The following KCNH1 variants were observed in gnomAD, a reference collection of about 807,000 sequenced individuals.
The protein encoded by KCNH1 is potassium voltage-gated channel subfamily H member 1.
A neutral mutation model predicts 69.2 loss-of-function variants in KCNH1; 27 were observed. The observed-to-expected ratio is 0.39, with a 90% CI of 0.29 to 0.54. The LOEUF is 0.54. Among genes scored for constraint, KCNH1 ranks in the 20% least tolerant of loss-of-function variants. The pLI is 0.68. For synonymous variants in KCNH1, 456 were observed against 487.7 expected, an observed-to-expected ratio of 0.93 and a Z score of 0.86; for missense variants, 798 against 1,261.6, an observed-to-expected ratio of 0.63 and a Z score of 5.57.
intron 7 of KCNH1, among the ~76,000 whole-genome samples, chr1:210,895,778 G>A (rs889833987): frequency 1.1e-4 from 17 of 152,018 alleles, no homozygotes; most frequent in African/African-American, 3.1e-4. Context: ...ACTCTTGGAC[G>A]TGGCTACCAA....
At chr1:211,027,251 G>A (rs1689700188) in intron 5 of KCNH1, among the ~76,000 whole-genome samples, 1 of 152,012 alleles carries the variant, frequency 6.6e-6, no homozygotes, top group African/African-American at 2.4e-5. Flanking sequence ...GGAACCAAAT[G>A]GAAGTTTTAG....
chr1:210,861,426 A>C (rs1574302188), intron 7 of KCNH1: 3 of 776,560 alleles, frequency 3.9e-6, no homozygotes, highest in Non-Finnish European at 7.2e-6. Context: ...AATTCATTAT[A>C]CTCCTAGGAA....
At chr1:210,695,939 G>C (rs952783654) in intron 10 of KCNH1, among the ~76,000 whole-genome samples, 12 of 152,198 alleles carry the variant, frequency 7.9e-5, no homozygotes, top group African/African-American at 2.7e-4. Context: ...AGACTGACAG[G>C]CGGGAGGAGG....
Position 210,962,132 on chromosome 1 carries a change from G to A in KCNH1, c.1033-42063C>T, listed in dbSNP as rs965657330. ...TTCTTCTCTCTGGTGCTACACTTTGGCCTACCTATACTCCTAGTTCCATCT... is the reference window on the plus strand; with the variant it reads ...TTCTTCTCTCTGGTGCTACACTTTGACCTACCTATACTCCTAGTTCCATCT... On this transcript the variant is annotated intron_variant, in intron 6 of 10. Transcript: ENST00000271751. 3.3e-5 allele frequency among the ~76,000 whole-genome samples: 5 copies of A among 152,126 alleles called. No individual in the cohort carries two copies. The South Asian group carries it at 1.0e-3, about 32-fold the overall frequency.
intron 3 of KCNH1, among the ~76,000 whole-genome samples, chr1:211,097,290 T>A (rs1691175039): frequency 6.6e-6 from 1 of 152,150 alleles, no homozygotes; most frequent in Non-Finnish European, 1.5e-5. Flanking sequence ...TCTAAATATT[T>A]TAGCACAACT....
intron 9 of KCNH1, among the ~76,000 whole-genome samples, chr1:210,794,285 T>G (rs752678213): frequency 1.2e-4 from 18 of 152,194 alleles, no homozygotes; most frequent in Non-Finnish European, 1.9e-4. Flanking sequence ...GATAAGTTAT[T>G]TAGAATATTG....
intron 7 of KCNH1, among the ~76,000 whole-genome samples, chr1:210,856,779 TTA>T (rs71134640): frequency 2.0e-4 from 24 of 121,738 alleles, no homozygotes; most frequent in African/African-American, 3.6e-4. Context: ...TATATATATG[TTA>T]TATATATATA....
chr1:210,974,489 T>C (rs1688565771), intron 6 of KCNH1, among the ~76,000 whole-genome samples: 1 of 152,044 alleles, frequency 6.6e-6, no homozygotes, highest in African/African-American at 2.4e-5. Flanking sequence ...GTTTTCTTAT[T>C]ATACCTTTGT....
At chr1:210,817,255 A>G (rs141831426) in intron 7 of KCNH1, among the ~76,000 whole-genome samples, 4 of 152,338 alleles carry the variant, frequency 2.6e-5, no homozygotes, top group East Asian at 1.9e-4. Context: ...TTCATTTTGT[A>G]TAAGTCAGTG....
At chr1:210,820,058 T>C (rs1370301680) in intron 7 of KCNH1, among the ~76,000 whole-genome samples, 1 of 152,216 alleles carries the variant, frequency 6.6e-6, no homozygotes, top group Non-Finnish European at 1.5e-5. Context: ...TGCTCCCAAA[T>C]TCTTCATCCA....
chr1:211,106,140 G>A (rs1246627949), intron 2 of KCNH1, among the ~76,000 whole-genome samples: 1 of 152,178 alleles, frequency 6.6e-6, no homozygotes, highest in East Asian at 1.9e-4. Flanking sequence ...TTTGTTTCCT[G>A]ATTTGGCATG....
intron 1 of KCNH1, among the ~76,000 whole-genome samples, chr1:211,128,329 A>G (rs1412611959): frequency 1.3e-5 from 2 of 152,054 alleles, no homozygotes; most frequent in East Asian, 3.8e-4. Flanking sequence ...GAAGCAGTAC[A>G]TGCAACAACA....
intron 10 of KCNH1, among the ~76,000 whole-genome samples, chr1:210,760,980 C>T (rs575272740): frequency 3.9e-5 from 6 of 152,148 alleles, no homozygotes; most frequent in East Asian, 1.9e-4. Flanking sequence ...AGGCCGGGCG[C>T]GGTGGCTCAC....
intron 6 of KCNH1, among the ~76,000 whole-genome samples, chr1:210,945,394 CA>C (rs200038989): frequency 0.012 from 1,828 of 152,268 alleles, 28 homozygotes; most frequent in African/African-American, 0.042. Context: ...CTCCATTTTA[CA>C]AAGAAGGAAA....
At chr1:210,710,076 A>G (rs566218993) in intron 10 of KCNH1, among the ~76,000 whole-genome samples, 17 of 152,346 alleles carry the variant, frequency 1.1e-4, no homozygotes, top group African/African-American at 4.1e-4. Flanking sequence ...ATGGCCCACT[A>G]TACTTCTAGG....
intron 5 of KCNH1, among the ~76,000 whole-genome samples, chr1:211,023,162 AT>A (rs1416102288): frequency 1.2e-5 from 1 of 83,092 alleles, no homozygotes; most frequent in East Asian, 7.6e-4. Flanking sequence ...AAATAAATAA[AT>A]TAAAAATGCT....
chr1:210,845,389 T>C (rs1300947892), intron 7 of KCNH1, among the ~76,000 whole-genome samples: 2,793 of 108,314 alleles, frequency 0.026, no homozygotes, highest in South Asian at 0.032. Flanking sequence ...CATGATCAAG[T>C]GGGCTTCATC....
chr1:211,010,839 C>A (rs1310544177), intron 6 of KCNH1, among the ~76,000 whole-genome samples: 2 of 151,972 alleles, frequency 1.3e-5, no homozygotes, highest in Non-Finnish European at 2.9e-5. Flanking sequence ...GAAAGAGGAG[C>A]CAAGAAAAGT....
intron 6 of KCNH1, among the ~76,000 whole-genome samples, chr1:211,009,393 T>C (rs1210231805): frequency 2.0e-5 from 3 of 151,590 alleles, no homozygotes; most frequent in African/African-American, 7.3e-5. Context: ...AGCAGGAAAA[T>C]GGGGCAGCAG....
Sources: gnomAD v4.1 joint callset for allele counts (sites outside exome capture counted in the v4.1 genomes callset) on GRCh38, gnomAD v4.1.1 for gene constraint, MANE v1.5 for transcripts, NCBI Gene and HGNC (gene_info 2026-07-23, HGNC 2026-07-21) for gene names.